Variants in GRM7 observed in about 807,000 individuals in gnomAD.
GRM7 encodes metabotropic glutamate receptor 7.
GRM7 carries 35 observed loss-of-function variants against 84.5 expected under a neutral mutation model. That is an observed-to-expected ratio of 0.41 (90% confidence interval 0.32 to 0.55). The LOEUF (loss-of-function observed/expected upper bound fraction) is 0.55. Among genes scored for constraint, GRM7 ranks in the 20% least tolerant of loss-of-function variants. The pLI is 0.19. For synonymous variants in GRM7, 487 were observed against 455.1 expected (o/e 1.07, Z -0.89); for missense variants, 1,003 against 1,194.6 (o/e 0.84, Z 2.36).
At chr3:7,218,991 A>G (rs921783592) in intron 2 of GRM7, among the ~76,000 whole-genome samples, 6 of 152,130 alleles carry the variant, frequency 3.9e-5, no homozygotes, top group Admixed American at 3.3e-4. Flanking sequence ...AATGAAATTA[A>G]TGGTGCTTAT....
intron 5 of GRM7, among the ~76,000 whole-genome samples, chr3:7,429,551 T>C (rs1696746802): frequency 6.6e-6 from 1 of 152,176 alleles, no homozygotes; most frequent in Non-Finnish European, 1.5e-5. Context: ...CTTCAAATTG[T>C]TTTTAATACC....
intron 1 of GRM7, among the ~76,000 whole-genome samples, chr3:7,105,725 G>A (rs115678506): frequency 2.0e-5 from 3 of 151,622 alleles, no homozygotes; most frequent in African/African-American, 7.3e-5. Flanking sequence ...TGTGGGATGG[G>A]TGGAATTATT....
intron 8 of GRM7, among the ~76,000 whole-genome samples, chr3:7,649,247 T>G (rs1346919942): frequency 1.3e-5 from 2 of 151,962 alleles, no homozygotes; most frequent in African/African-American, 2.4e-5. Context: ...TTTTATGTAT[T>G]TTTAGTAGAG....
intron 1 of GRM7, among the ~76,000 whole-genome samples, chr3:6,898,923 G>A (rs1007614140): frequency 2.6e-5 from 4 of 152,156 alleles, no homozygotes; most frequent in Admixed American, 2.6e-4. Context: ...CCACAGTAGA[G>A]TATGGGCAAG....
At chr3:7,217,329 G>A (rs754537663) in intron 2 of GRM7, among the ~76,000 whole-genome samples, 45 of 152,208 alleles carry the variant, frequency 3.0e-4, no homozygotes, top group Middle Eastern at 3.4e-3. Context: ...GGCAAAGTAC[G>A]GAGTTGTTAT....
At chr3:6,886,626 TA>T (rs1695706204) in intron 1 of GRM7, among the ~76,000 whole-genome samples, 1 of 151,990 alleles carries the variant, frequency 6.6e-6, no homozygotes, top group Non-Finnish European at 1.5e-5. Flanking sequence ...TTTTTTTCTG[TA>T]AAAAAATACT....
chr3:6,924,762 G>T (rs1026169246), intron 1 of GRM7, among the ~76,000 whole-genome samples: 5 of 152,162 alleles, frequency 3.3e-5, no homozygotes, highest in Non-Finnish European at 7.4e-5. Flanking sequence ...GAGTATGTTA[G>T]CATTAAAAGC....
chr3:6,915,615 C>A (rs1696916457), intron 1 of GRM7, among the ~76,000 whole-genome samples: 1 of 152,138 alleles, frequency 6.6e-6, no homozygotes, highest in East Asian at 1.9e-4. Context: ...CTAATATGTT[C>A]TTTGCAAAAT....
intron 5 of GRM7, among the ~76,000 whole-genome samples, chr3:7,442,245 T>C (rs1697319055): frequency 6.6e-6 from 1 of 152,158 alleles, no homozygotes; most frequent in Non-Finnish European, 1.5e-5. Flanking sequence ...TGAATGACAT[T>C]GCATTCTTGA....
chr3:7,207,849 C>T (rs1696289875), intron 2 of GRM7, among the ~76,000 whole-genome samples: 1 of 152,104 alleles, frequency 6.6e-6, no homozygotes, highest in Admixed American at 6.5e-5. Context: ...TGTTCAAAAG[C>T]AAAATGAAAA....
Position 7,600,313 on chromosome 3 carries a change from T to C in GRM7, c.2451+20956T>C, listed in dbSNP as rs186347409. Among the ~76,000 whole-genome samples the C allele has an allele frequency of 1.3e-3, 193 of 152,256 alleles. 2 individuals are homozygous for C. The highest frequency in any genetic ancestry group is 3.7e-3 in the Admixed American group (57 of 15,268). On this transcript the variant is annotated intron_variant, in intron 8 of 9. Coordinates refer to ENST00000357716, the MANE Select transcript of GRM7 (RefSeq NM_000844.4). ...TTCTTTATCACAGAGAAATGTGGAA[T>C]AAATGAGACACACACCAAATAAAAT...
chr3:7,671,454 A>C (rs1699916592), intron 8 of GRM7, among the ~76,000 whole-genome samples: 2 of 152,074 alleles, frequency 1.3e-5, no homozygotes, highest in African/African-American at 4.8e-5. Flanking sequence ...CTCATGCTCC[A>C]GAAACTGATT....
At chr3:7,632,992 A>G (rs903411084) in intron 8 of GRM7, among the ~76,000 whole-genome samples, 2 of 152,264 alleles carry the variant, frequency 1.3e-5, no homozygotes, top group African/African-American at 2.4e-5. Context: ...ATAGAAACAG[A>G]ACCTAAAGGA....
At chr3:7,461,154 A>C (rs1446825739) in intron 6 of GRM7, among the ~76,000 whole-genome samples, 2 of 152,212 alleles carry the variant, frequency 1.3e-5, no homozygotes, top group African/African-American at 4.8e-5. Flanking sequence ...TTCTCTTTTA[A>C]CATTAATTTG....
At chr3:7,257,767 C>T (rs1276462470) in intron 2 of GRM7, among the ~76,000 whole-genome samples, 1 of 152,192 alleles carries the variant, frequency 6.6e-6, no homozygotes, top group African/African-American at 2.4e-5. Flanking sequence ...TAGCATCTTC[C>T]AGTTTATACA....
intron 8 of GRM7, among the ~76,000 whole-genome samples, chr3:7,616,617 A>T (rs1401055048): frequency 6.6e-6 from 1 of 152,104 alleles, no homozygotes; most frequent in Non-Finnish European, 1.5e-5. Context: ...TTCTGTATGT[A>T]TGTTTTGCTT....
At chr3:7,124,501 A>G (rs1215991521) in intron 1 of GRM7, among the ~76,000 whole-genome samples, 1 of 152,212 alleles carries the variant, frequency 6.6e-6, no homozygotes, top group African/African-American at 2.4e-5. Context: ...CCAGAGTGAT[A>G]TAGAAAATAT....
intron 7 of GRM7, among the ~76,000 whole-genome samples, chr3:7,570,886 A>G (rs946213774): frequency 7.2e-5 from 11 of 152,224 alleles, no homozygotes; most frequent in Non-Finnish European, 5.9e-5. Context: ...TCTGAAATCC[A>G]GGCAGAGGTT....
rs77203208 is a variant in GRM7 at position 7,657,265 on chromosome 3, T to C, written c.2452-22784T>C. Among the ~76,000 whole-genome samples, 387 of 152,326 alleles carry C rather than the reference T, an allele frequency of 2.5e-3. 3 individuals are homozygous for C. Among genetic ancestry groups the C allele is most frequent in the African/African-American group, 8.8e-3 (367 of 41,570 alleles). On this transcript the variant is annotated intron_variant, in intron 8 of 9. Transcript: ENST00000357716. ...AAATGTTAAGTAGAAACAGTCTAAA[T>C]TGGGGAAAAATAAAAAGATAAATGG...
Sources: allele counts gnomAD v4.1 joint callset (sites outside exome capture counted in the v4.1 genomes callset), GRCh38; gene constraint gnomAD v4.1.1; transcripts MANE v1.5; gene names NCBI Gene and HGNC (gene_info 2026-07-23, HGNC 2026-07-21).